The following DDX23 variants were observed in gnomAD, a reference collection of about 807,000 sequenced individuals.
DDX23 encodes the protein DEAD-box helicase 23, also known as probable ATP-dependent RNA helicase DDX23.
A neutral mutation model predicts 102.7 loss-of-function variants in DDX23; 33 were observed. The ratio of observed to expected loss-of-function variants is 0.32; its 90% CI spans 0.24 to 0.43. The LOEUF is 0.43. DDX23 is among the 20% of genes least tolerant of loss of function. The pLI, the probability that DDX23 is intolerant of heterozygous loss-of-function variation, is 1.00. For synonymous variants in DDX23, 352 were observed against 376.0 expected (o/e 0.94, Z 0.74); for missense variants, 549 against 1,086.6 (o/e 0.51, Z 6.96).
chr12:48,844,104 C>T, intron 2 of DDX23, 54 bp from the exon 3 acceptor site: 2 of 1,546,094 alleles, frequency 1.3e-6, no homozygotes, highest in Non-Finnish European at 1.8e-6. Context: ...TATCTTGCTT[C>T]ACTGCAGCCC....
intron 5 of DDX23, among the ~76,000 whole-genome samples, chr12:48,838,621 A>G (rs1268144210): frequency 6.6e-6 from 1 of 151,366 alleles, no homozygotes; most frequent in Non-Finnish European, 1.5e-5. Context: ...GGAGGCCGAG[A>G]TGGGCGGATC....
At chr12:48,842,353 T>G (rs1232433796) in intron 3 of DDX23, among the ~76,000 whole-genome samples, 2 of 103,698 alleles carry the variant, frequency 1.9e-5, no homozygotes, top group African/African-American at 3.8e-5. Context: ...TACTGGGAAG[T>G]GAGGAGCCTC....
chr12:48,831,641 TTTAAGGAAG>T (rs112308857), intron 15 of DDX23, among the ~76,000 whole-genome samples: 394 of 152,096 alleles, frequency 2.6e-3, no homozygotes, highest in African/African-American at 8.9e-3. Flanking sequence ...GATCAAGAAG[TTTAAGGAAG>T]TTGGAGAGCT....
intron 2 of DDX23, among the ~76,000 whole-genome samples, chr12:48,845,153 T>TAAA (rs1246768678): frequency 1.9e-5 from 2 of 105,204 alleles, no homozygotes; most frequent in Admixed American, 9.9e-5. Context: ...ACTCCATCTT[T>TAAA]TAAAAAAAAA....
chr12:48,837,896 C>G, intron 6 of DDX23, 46 bp downstream of exon 6: 1 of 1,610,912 alleles, frequency 6.2e-7, no homozygotes. Flanking sequence ...TCTCATCCCA[C>G]TCTTTCCTCT....
rs370180010 is a variant in DDX23 at position 48,850,096 on chromosome 12, G to C, written c.-1+1988C>G. Among the ~76,000 whole-genome samples the C allele has an allele frequency of 1.6e-3, 244 of 152,342 alleles. 1 individual carries two copies. The highest frequency in any genetic ancestry group is 5.1e-3 in the African/African-American group (214 of 41,586). ...AATCTAATACTTTGGTGACTTGCAA[G>C]AAAATATATAGCAGAGAGACAGAGT... is the stretch of plus-strand genomic sequence containing the variant. On this transcript the variant is annotated intron_variant, in intron 1 of 16. Coordinates refer to ENST00000308025, the MANE Select transcript of DDX23 (RefSeq NM_004818.3).
intron 1 of DDX23, among the ~76,000 whole-genome samples, chr12:48,846,205 T>C (rs1938664311): frequency 6.6e-6 from 1 of 152,178 alleles, no homozygotes; most frequent in Non-Finnish European, 1.5e-5. Context: ...CCTCAAGCAA[T>C]CCTCCTGCCT....
chr12:48,836,514 C>A lies in DDX23; in HGVS notation c.1236+55G>T, dbSNP rs1938469187. 8.4e-6 allele frequency: 13 copies of A among 1,553,394 alleles called. No individual in the cohort carries two copies. In the South Asian group the frequency reaches 1.1e-4, roughly 14 times the overall value. ...TAGTCAAGGAACAAAGTTCTCTATT[C>A]CCAAACTAGTGTAGGAACATGTCAG... On this transcript the variant is annotated intron_variant, in intron 10 of 16. Transcript: ENST00000308025. This position sits in a 1 kb window ranked among gnomAD's most constrained non-coding sequence, Gnocchi z 6.1.
In DDX23 at chr12:48,845,778, G is replaced by A; in HGVS notation, c.5C>T (p.Ala2Val). ...GTCCTTTTTGTCAGCCAGCTCTCCT[G>A]CCATCTGTAATGAGTAGGAAGAGTA... MAGELADKKDRD... is the reference protein window; with the variant it reads MVGELADKKDRD... Residue 2 changes from alanine to valine, a missense_variant, in exon 2 of 17, where the codon GCA becomes GTA. Physicochemically the swap from Ala to Val is moderately conservative, Grantham distance 64. Coordinates refer to ENST00000308025, the MANE Select transcript of DDX23 (RefSeq NM_004818.3). 6.2e-7 allele frequency: 1 copy of A among 1,613,956 alleles called. No homozygotes were observed. The highest frequency in any genetic ancestry group is 8.5e-7 in the Non-Finnish European group (1 of 1,179,960).
At chr12:48,848,537 G>C (rs1196200204) in intron 1 of DDX23, among the ~76,000 whole-genome samples, 3 of 151,992 alleles carry the variant, frequency 2.0e-5, no homozygotes, top group Non-Finnish European at 4.4e-5. Context: ...AAAAACCCTT[G>C]TTAGATACAA....
chr12:48,837,429 G>A (rs773451311), intron 7 of DDX23, 36 bp from the exon 8 acceptor site: 3 of 1,612,730 alleles, frequency 1.9e-6, no homozygotes, highest in Non-Finnish European at 2.5e-6. Flanking sequence ...CATGAGCTTT[G>A]AGGCCCAATT....
rs373205716 is a variant in DDX23 at position 48,831,293 on chromosome 12, A to C, written c.2088T>G (p.Gly696=). ...ACTCTCGCTGCTCCTGGCCTTTTCC[A>C]CCGTGCAGTGTGCAAGCATTGTACT... is the stretch of plus-strand genomic sequence containing the variant. ...KMGYNACTLH[G]GKGQEQREFA... is the part of the protein sequence containing the mutation. The change falls in exon 16 of 17, where the codon GGT becomes GGG. Residue 696 remains glycine (G), a synonymous_variant. Coordinates refer to ENST00000308025, the MANE Select transcript of DDX23 (RefSeq NM_004818.3). 8 of 1,614,038 alleles carry C rather than the reference A, an allele frequency of 5.0e-6. No homozygotes were observed. The highest frequency in any genetic ancestry group is 6.8e-6 in the Non-Finnish European group (8 of 1,180,028).
chr12:48,832,218 A>G lies in DDX23; in HGVS notation c.1956-32T>C. 1 of 1,608,636 alleles carries G rather than the reference A, an allele frequency of 6.2e-7. No individual in the cohort carries two copies. Among genetic ancestry groups the G allele is most frequent in the Non-Finnish European group, 8.5e-7 (1 of 1,175,204 alleles). On this transcript the variant is annotated intron_variant, in intron 14 of 16. Transcript: ENST00000308025. The surrounding 1 kb of genome is among the most constrained non-coding windows in gnomAD (Gnocchi z 4.4). ...GGAAGAGGAGAAAAACAAGATGCAT[A>G]ATACCTCCCACTCCAAGTGAAATGC...
intron 15 of DDX23, 53 bp from the exon 16 acceptor site, chr12:48,831,369 C>CAGG: frequency 6.3e-7 from 1 of 1,578,290 alleles, no homozygotes; most frequent in Non-Finnish European, 8.7e-7. Context: ...AGGAGAGACA[C>CAGG]AGGAGTTCAG....
chr12:48,848,113 G>A (rs993796881), intron 1 of DDX23, among the ~76,000 whole-genome samples: 11 of 151,998 alleles, frequency 7.2e-5, no homozygotes, highest in African/African-American at 2.2e-4. Context: ...GTGAAACCCC[G>A]TCTCCACTAA....
intron 6 of DDX23, 61 bp downstream of exon 6, chr12:48,837,881 C>T (rs1341009045): frequency 2.5e-6 from 4 of 1,607,764 alleles, no homozygotes; most frequent in South Asian, 1.1e-5. Flanking sequence ...CTAAGAGACA[C>T]TGTATCTCAT....
intron 1 of DDX23, among the ~76,000 whole-genome samples, chr12:48,846,765 C>T (rs75485589): frequency 0.062 from 9,448 of 152,212 alleles, 401 homozygotes; most frequent in Middle Eastern, 0.1. Flanking sequence ...ATTCCCTATT[C>T]AGATTTTCAC....
At chr12:48,843,503 A>G (rs1228345392) in intron 3 of DDX23, among the ~76,000 whole-genome samples, 1 of 151,138 alleles carries the variant, frequency 6.6e-6, no homozygotes, top group East Asian at 1.9e-4. Context: ...GCTCTGTAAT[A>G]ACTACCAACA....
chr12:48,830,269 G>C lies in DDX23; in HGVS notation c.*200C>G, dbSNP rs1377549886. Reference sequence around the variant, plus strand: ...GAAGCTGTGGTAATTTGCTCTCCCTGCCTCCGACAGCGTCGTCCTCTCCTT... The same window carrying C: ...GAAGCTGTGGTAATTTGCTCTCCCTCCCTCCGACAGCGTCGTCCTCTCCTT... On this transcript the variant is annotated 3_prime_UTR_variant, in exon 17 of 17. Transcript: ENST00000308025. This position sits in a 1 kb window ranked among gnomAD's most constrained non-coding sequence, Gnocchi z 4.9. 1.4e-6 allele frequency: 1 copy of C among 714,176 alleles called. No individual in the cohort carries two copies. The highest frequency in any genetic ancestry group is 1.5e-5 in the South Asian group (1 of 67,108). 44.2% of individuals were successfully genotyped at this position (714,176 alleles called of 1,614,324 possible).
Sources: allele counts gnomAD v4.1 joint callset (sites outside exome capture counted in the v4.1 genomes callset), GRCh38; gene constraint gnomAD v4.1.1; non-coding constraint Gnocchi (gnomAD v3.1); transcripts MANE v1.5; gene names NCBI Gene and HGNC (gene_info 2026-07-23, HGNC 2026-07-21).